The following NFIA variants were observed in gnomAD, a reference collection of about 807,000 sequenced individuals.
The protein encoded by NFIA is nuclear factor I A.
A neutral mutation model predicts 62.8 loss-of-function variants in NFIA; 8 were observed. The observed-to-expected ratio is 0.13, with a 90% CI of 0.07 to 0.23. The LOEUF is 0.23. Ranked by LOEUF, NFIA falls within the 10% of genes least tolerant of loss-of-function variation. NFIA has a pLI of 1.00. For synonymous variants in NFIA, 235 were observed against 238.1 expected, an observed-to-expected ratio of 0.99 and a Z score of 0.12; for missense variants, 410 against 642.1, an observed-to-expected ratio of 0.64 and a Z score of 3.91.
intron 3 of NFIA, among the ~76,000 whole-genome samples, chr1:61,318,069 C>G (rs1036206704): frequency 1.3e-5 from 2 of 151,960 alleles, no homozygotes; most frequent in African/African-American, 4.8e-5. Flanking sequence ...CCATATAGAT[C>G]CCTTTACAAG....
intron 2 of NFIA, among the ~76,000 whole-genome samples, chr1:61,115,537 G>A (rs1646780183): frequency 6.6e-6 from 1 of 152,220 alleles, no homozygotes; most frequent in Admixed American, 6.5e-5. Flanking sequence ...GCAGGGCCTC[G>A]AAGGTTGGCA....
At chr1:61,252,765 T>C (rs151114107) in intron 2 of NFIA, among the ~76,000 whole-genome samples, 111 of 152,312 alleles carry the variant, frequency 7.3e-4, no homozygotes, top group African/African-American at 2.6e-3. Flanking sequence ...ATACACATGC[T>C]CAAAGTTAAA....
intron 6 of NFIA, among the ~76,000 whole-genome samples, chr1:61,381,858 G>T (rs1360415609): frequency 1.3e-5 from 2 of 152,146 alleles, no homozygotes; most frequent in Admixed American, 1.3e-4. Context: ...TCTGTGATCA[G>T]AAATAACAGG....
chr1:61,228,227 T>C (rs1260442580), intron 2 of NFIA, among the ~76,000 whole-genome samples: 5 of 152,166 alleles, frequency 3.3e-5, no homozygotes, highest in Admixed American at 1.3e-4. Flanking sequence ...GTAAGTGTGT[T>C]TTGAGAGTCC....
chr1:61,232,459 C>A (rs1654738118), intron 2 of NFIA, among the ~76,000 whole-genome samples: 1 of 152,028 alleles, frequency 6.6e-6, no homozygotes, highest in Admixed American at 6.6e-5. Context: ...AGTGGTAAAG[C>A]CACAAGTGAA....
chr1:61,399,328 T>C (rs12402643), intron 7 of NFIA, among the ~76,000 whole-genome samples: 34,288 of 152,062 alleles, frequency 0.23, 3,909 homozygotes, highest in South Asian at 0.29. Flanking sequence ...GAGCACACTG[T>C]GCCTGAAGGA....
At chr1:61,453,710 A>G (rs1159568595) in intron 10 of NFIA, among the ~76,000 whole-genome samples, 2 of 152,142 alleles carry the variant, frequency 1.3e-5, no homozygotes, top group Non-Finnish European at 2.9e-5. Flanking sequence ...CCTGTTTTGT[A>G]GAAGGGAGGA....
chr1:61,101,421 C>T lies in NFIA; in HGVS notation c.559+12741C>T, dbSNP rs371052753. 5.5e-4 allele frequency among the ~76,000 whole-genome samples: 82 copies of T among 150,344 alleles called. 1 individual carries two copies. Among genetic ancestry groups the T allele is most frequent in the African/African-American group, 1.8e-3 (75 of 40,986 alleles). On this transcript the variant is annotated intron_variant, in intron 2 of 10. Coordinates refer to ENST00000403491, the MANE Select transcript of NFIA (RefSeq NM_001134673.4). Reference sequence around the variant, plus strand: ...AAAAAAAAAAAAAAAAAAAGTAGTTCGCCACCATAGCATGTTTTCTCTAAA... The same window carrying T: ...AAAAAAAAAAAAAAAAAAAGTAGTTTGCCACCATAGCATGTTTTCTCTAAA...
rs546678820 is a variant in NFIA at position 61,278,617 on chromosome 1, G to T, written c.625+1032G>T. Among the ~76,000 whole-genome samples, 200 of 152,286 alleles carry T rather than the reference G, an allele frequency of 1.3e-3. 1 individual carries two copies. Among genetic ancestry groups the T allele is most frequent in the African/African-American group, 4.3e-3 (180 of 41,566 alleles). ...AGCCTGGCCAACATGGTGAAATCAT[G>T]TCTTTACTAAAAATAGAAAAATTAT... On this transcript the variant is annotated intron_variant, in intron 3 of 10. Transcript: ENST00000403491.
intron 1 of NFIA, among the ~76,000 whole-genome samples, chr1:61,084,985 A>T (rs1448775750): frequency 6.6e-6 from 1 of 152,176 alleles, no homozygotes; most frequent in East Asian, 1.9e-4. Context: ...TGTACAATAA[A>T]TAGTGAATGA....
Position 61,359,219 on chromosome 1 carries a change from A to G in NFIA, c.891A>G (p.Gln297=), listed in dbSNP as rs200284657. The G allele has an allele frequency of 6.2e-7, 1 of 1,612,996 alleles. No individual in the cohort carries two copies. The highest frequency in any genetic ancestry group is 2.2e-5 in the East Asian group (1 of 44,876). Residue 297 remains glutamine, a synonymous_variant, in exon 6 of 11, where the codon CAA becomes CAG. Transcript: ENST00000403491. ...GTGAGGAGCCATTTTATACAGGCCA[A>G]GGGCGCTCCCCAGGAAGTGGCAGTC... ...SPGEEPFYTG[Q]GRSPGSGSQS...
intron 2 of NFIA, among the ~76,000 whole-genome samples, chr1:61,239,106 A>T (rs1191564239): frequency 6.6e-6 from 1 of 152,230 alleles, no homozygotes; most frequent in Non-Finnish European, 1.5e-5. Flanking sequence ...ACTCAGTTAT[A>T]TCCTGTTCAG....
intron 2 of NFIA, among the ~76,000 whole-genome samples, chr1:61,170,302 C>G (rs1046324212): frequency 6.6e-6 from 1 of 152,200 alleles, no homozygotes; most frequent in African/African-American, 2.4e-5. Context: ...GGCATTTGGA[C>G]AGGTTCACAG....
intron 10 of NFIA, among the ~76,000 whole-genome samples, chr1:61,451,682 C>T (rs11207741): frequency 6.6e-6 from 1 of 152,094 alleles, no homozygotes; most frequent in African/African-American, 2.4e-5. Context: ...CTGAAAGTTT[C>T]TGAGGAAAAA....
chr1:61,415,323 T>C (rs1023839131), intron 9 of NFIA, among the ~76,000 whole-genome samples: 2 of 151,882 alleles, frequency 1.3e-5, no homozygotes, highest in East Asian at 3.9e-4. Flanking sequence ...GCTTTCTAAA[T>C]AATGCCAAAA....
intron 7 of NFIA, among the ~76,000 whole-genome samples, chr1:61,399,654 C>T (rs1569767035): frequency 6.6e-6 from 1 of 152,178 alleles, no homozygotes; most frequent in Non-Finnish European, 1.5e-5. Flanking sequence ...TAAGAGATTA[C>T]TTTCTTCTTC....
At chr1:61,429,163 C>T (rs765662238) in intron 10 of NFIA, among the ~76,000 whole-genome samples, 1 of 152,146 alleles carries the variant, frequency 6.6e-6, no homozygotes, top group Non-Finnish European at 1.5e-5. Flanking sequence ...CAGCTTCAGA[C>T]TATCATAAGA....
intron 4 of NFIA, among the ~76,000 whole-genome samples, chr1:61,336,478 G>A (rs1161310355): frequency 6.6e-6 from 1 of 152,124 alleles, no homozygotes; most frequent in Non-Finnish European, 1.5e-5. Context: ...TCGTTTGTTA[G>A]TGTGGTACAT....
At chr1:61,137,233 G>A (rs1179862483) in intron 2 of NFIA, among the ~76,000 whole-genome samples, 1 of 152,160 alleles carries the variant, frequency 6.6e-6, no homozygotes, top group African/African-American at 2.4e-5. Context: ...TTTGTTAAGT[G>A]CTGCATGCCA....
Sources: gnomAD v4.1 joint callset for allele counts (sites outside exome capture counted in the v4.1 genomes callset) on GRCh38, gnomAD v4.1.1 for gene constraint, MANE v1.5 for transcripts, NCBI Gene and HGNC (gene_info 2026-07-23, HGNC 2026-07-21) for gene names.